The following CNIH3 variants were observed in gnomAD, a reference collection of about 807,000 sequenced individuals.
CNIH3 encodes the protein protein cornichon homolog 3.
Under a neutral mutation model 24.1 loss-of-function variants are expected in CNIH3, and 14 were observed. The ratio of observed to expected loss-of-function variants is 0.58; its 90% CI spans 0.38 to 0.91. CNIH3 has a LOEUF of 0.91. CNIH3 is among the 40% of genes least tolerant of loss of function. CNIH3 has a pLI of 0.00. For missense variants in CNIH3, 178 were observed against 196.8 expected (o/e 0.90, Z 0.57); for synonymous variants, 68 against 73.8 (o/e 0.92, Z 0.40).
intron 1 of CNIH3, among the ~76,000 whole-genome samples, chr1:224,668,227 T>A: frequency 6.6e-6 from 1 of 152,196 alleles, no homozygotes; most frequent in East Asian, 1.9e-4. Context: ...CCTACAACTT[T>A]TAAGTTGTTT....
intron 3 of CNIH3, among the ~76,000 whole-genome samples, chr1:224,723,362 G>T (rs1487098303): frequency 6.6e-6 from 1 of 152,200 alleles, no homozygotes; most frequent in Admixed American, 6.5e-5. Flanking sequence ...TCCCTGTGCT[G>T]CCTTCTCTCA....
chr1:224,636,523 T>C (rs1684094293), intron 1 of CNIH3, among the ~76,000 whole-genome samples: 2 of 152,216 alleles, frequency 1.3e-5, no homozygotes, highest in Non-Finnish European at 1.5e-5. Flanking sequence ...GCAACATCAA[T>C]AAAGAACAAA....
intron 5 of CNIH3, 77 bp from the exon 6 acceptor site, chr1:224,739,252 G>C: frequency 6.4e-7 from 1 of 1,562,266 alleles, no homozygotes; most frequent in Non-Finnish European, 8.6e-7. Context: ...TCTCCTGAGG[G>C]GCAGCCTGAG....
chr1:224,498,198 A>G (rs960140876), intron 1 of CNIH3, among the ~76,000 whole-genome samples: 1 of 152,198 alleles, frequency 6.6e-6, no homozygotes, highest in Non-Finnish European at 1.5e-5. Context: ...CTGCAATGCC[A>G]TCTGGAAGAG....
At chr1:224,461,270 T>G (rs1179991858) in intron 1 of CNIH3, among the ~76,000 whole-genome samples, 2 of 152,192 alleles carry the variant, frequency 1.3e-5, no homozygotes, top group Non-Finnish European at 2.9e-5. Context: ...CCCAAAGTGC[T>G]TGGATTACAG....
At chr1:224,687,160 T>C (rs1306414122) in intron 3 of CNIH3, among the ~76,000 whole-genome samples, 1 of 152,194 alleles carries the variant, frequency 6.6e-6, no homozygotes, top group African/African-American at 2.4e-5. Flanking sequence ...GTTTTCTAGC[T>C]CCCACGGGGA....
At chr1:224,738,930 C>T (rs1196329007) in intron 5 of CNIH3, among the ~76,000 whole-genome samples, 1 of 152,124 alleles carries the variant, frequency 6.6e-6, no homozygotes, top group Non-Finnish European at 1.5e-5. Flanking sequence ...CATCTGGGAG[C>T]CCCTGGACAC....
intron 1 of CNIH3, among the ~76,000 whole-genome samples, chr1:224,639,185 C>T (rs1684235275): frequency 6.6e-6 from 1 of 152,240 alleles, no homozygotes; most frequent in South Asian, 2.1e-4. Context: ...GACCTTTGAG[C>T]TCTCTCTTCC....
chr1:224,737,586 G>A (rs1056767450), intron 5 of CNIH3, among the ~76,000 whole-genome samples: 5 of 152,072 alleles, frequency 3.3e-5, no homozygotes, highest in Non-Finnish European at 5.9e-5. Context: ...GCAGGCCACC[G>A]TGGGAGGGAG....
intron 1 of CNIH3, among the ~76,000 whole-genome samples, chr1:224,494,633 G>C (rs937147031): frequency 6.6e-6 from 1 of 152,076 alleles, no homozygotes; most frequent in African/African-American, 2.4e-5. Context: ...TAACTTCTAT[G>C]GTTCTTTCGG....
At chr1:224,728,225 A>G (rs758019757) in intron 3 of CNIH3, among the ~76,000 whole-genome samples, 2 of 152,232 alleles carry the variant, frequency 1.3e-5, no homozygotes, top group Admixed American at 6.5e-5. Context: ...AGATGTGCAT[A>G]GCAGAACTCA....
intron 1 of CNIH3, among the ~76,000 whole-genome samples, chr1:224,642,538 G>A (rs974010716): frequency 3.3e-5 from 5 of 152,128 alleles, no homozygotes; most frequent in African/African-American, 1.2e-4. Context: ...CTGTAGCTAT[G>A]ATGGTGTCTG....
intron 5 of CNIH3, among the ~76,000 whole-genome samples, chr1:224,583,518 T>C (rs1023700217): frequency 3.3e-5 from 5 of 152,174 alleles, no homozygotes; most frequent in African/African-American, 1.2e-4. Context: ...ATTTTGGACA[T>C]CATCAAATAG....
chr1:224,679,112 A>C (rs1279458963), intron 1 of CNIH3, among the ~76,000 whole-genome samples: 1 of 152,190 alleles, frequency 6.6e-6, no homozygotes, highest in East Asian at 1.9e-4. Context: ...GGTTTATTTC[A>C]AGTATTTAAA....
intron 1 of CNIH3, among the ~76,000 whole-genome samples, chr1:224,438,230 T>G (rs1156644205): frequency 6.6e-6 from 1 of 151,954 alleles, no homozygotes; most frequent in Non-Finnish European, 1.5e-5. Flanking sequence ...GCCTTTTTTT[T>G]TTTTTTAAAT....
intron 1 of CNIH3, among the ~76,000 whole-genome samples, chr1:224,673,900 C>T (rs1199016286): frequency 6.6e-6 from 1 of 152,262 alleles, no homozygotes; most frequent in African/African-American, 2.4e-5. Flanking sequence ...GGAGCACTAA[C>T]CAGTCAAAGA....
chr1:224,677,556 G>A (rs1643431891), intron 1 of CNIH3, among the ~76,000 whole-genome samples: 1 of 152,196 alleles, frequency 6.6e-6, no homozygotes, highest in Non-Finnish European at 1.5e-5. Context: ...TTATCTCATG[G>A]AGCTCAAAGG....
rs191554619 is a variant in CNIH3 at position 224,480,980 on chromosome 1, G to A, written n.204-34761G>A. Among the ~76,000 whole-genome samples the A allele has an allele frequency of 9.3e-4, 141 of 152,294 alleles. 2 individuals are homozygous for A. In the East Asian group the frequency reaches 0.022, roughly 24 times the overall value. On this transcript the variant is annotated intron_variant and non_coding_transcript_variant, in intron 1 of 5. Coordinates refer to the CNIH3 transcript ENST00000471578. ...TGTATTAGTTTATTTTCATGCTGCT[G>A]ATAAAGACATACATGAGACTGGGCA...
chr1:224,693,701 G>A (rs573010325), intron 3 of CNIH3, among the ~76,000 whole-genome samples: 11 of 152,298 alleles, frequency 7.2e-5, no homozygotes, highest in Admixed American at 3.3e-4. Flanking sequence ...CAAAGGGTGT[G>A]GATATTCTTC....
Sources: allele counts gnomAD v4.1 joint callset (sites outside exome capture counted in the v4.1 genomes callset), GRCh38; gene constraint gnomAD v4.1.1; transcripts MANE v1.5; gene names NCBI Gene and HGNC (gene_info 2026-07-23, HGNC 2026-07-21).